The following RARA variants were observed in gnomAD, a reference collection of about 807,000 sequenced individuals.
RARA encodes PML-DDX5-RARA fusion.
Under a neutral mutation model 42.8 loss-of-function variants are expected in RARA, and 5 were observed. The ratio of observed to expected loss-of-function variants is 0.12; its 90% CI spans 0.06 to 0.25. The LOEUF is 0.25. Ranked by LOEUF, RARA falls within the 10% of genes least tolerant of loss-of-function variation. The pLI is 1.00. For synonymous variants in RARA, 256 were observed against 259.5 expected, an observed-to-expected ratio of 0.99 and a Z score of 0.13; for missense variants, 402 against 628.7, an observed-to-expected ratio of 0.64 and a Z score of 3.86.
Position 40,351,071 on chromosome 17 carries a change from C to T in RARA, c.470-839C>T, listed in dbSNP as rs1042503598. On this transcript the variant is annotated intron_variant, in intron 4 of 8. Transcript: ENST00000254066. The surrounding 1 kb of genome is among the most constrained non-coding windows in gnomAD (Gnocchi z 4.1). ...GCCATTTCAATAGAATTAAAGCTTC[C>T]GAATGATAAACGTCTTGTCACAGCT... 9.2e-5 allele frequency among the ~76,000 whole-genome samples: 14 copies of T among 152,146 alleles called. No individual in the cohort carries two copies. The highest frequency in any genetic ancestry group is 3.9e-4 in the Admixed American group (6 of 15,288).
chr17:40,317,097 A>T (rs1231277150), intron 1 of RARA, among the ~76,000 whole-genome samples: 1 of 152,066 alleles, frequency 6.6e-6, no homozygotes, highest in Non-Finnish European at 1.5e-5. Context: ...CTGCTCTTGG[A>T]CTCTCTTTCC....
chr17:40,355,948 T>A lies in RARA; in HGVS notation c.1172-61T>A. 1.4e-6 allele frequency: 2 copies of A among 1,452,570 alleles called. No individual in the cohort carries two copies. The highest frequency in any genetic ancestry group is 1.9e-6 in the Non-Finnish European group (2 of 1,072,670). 90.0% of individuals were successfully genotyped at this position (1,452,570 alleles called of 1,614,324 possible). On this transcript the variant is annotated intron_variant, in intron 8 of 8. Coordinates refer to ENST00000254066, the MANE Select transcript of RARA (RefSeq NM_000964.4). The surrounding 1 kb of genome is among the most constrained non-coding windows in gnomAD (Gnocchi z 4.1). ...TCTTCCCACCTCGAGCCAGGCTTGC[T>A]GGGGCTGGGGGTGGGAGGGCTGGCC...
chr17:40,318,024 T>G (rs544571581), intron 1 of RARA, among the ~76,000 whole-genome samples: 53 of 152,320 alleles, frequency 3.5e-4, no homozygotes, highest in African/African-American at 1.0e-3. Flanking sequence ...AATCTTCGGT[T>G]CTGGGTCTGA....
In RARA at chr17:40,354,746, C is replaced by T. The variant is rs1384316203; in HGVS notation, c.1012+240C>T. Reference sequence around the variant, plus strand: ...AGGGTCGGACCAACCAGGGTCACCTCCTGGCCGATGCATGACCCTGAGCAG... The same window carrying T: ...AGGGTCGGACCAACCAGGGTCACCTTCTGGCCGATGCATGACCCTGAGCAG... On this transcript the variant is annotated intron_variant, in intron 7 of 8. Transcript: ENST00000254066. The surrounding 1 kb of genome is among the most constrained non-coding windows in gnomAD (Gnocchi z 4.5). Among the ~76,000 whole-genome samples, 4 of 152,166 alleles carry T rather than the reference C, an allele frequency of 2.6e-5. No individual in the cohort carries two copies. Among genetic ancestry groups the T allele is most frequent in the East Asian group, 1.9e-4 (1 of 5,194 alleles).
At chr17:40,350,980 C>T (rs1260946287) in intron 4 of RARA, among the ~76,000 whole-genome samples, 1 of 151,532 alleles carries the variant, frequency 6.6e-6, no homozygotes, top group East Asian at 1.9e-4. Flanking sequence ...ACCGCCAACT[C>T]CCCTTCTCCC....
intron 2 of RARA, among the ~76,000 whole-genome samples, chr17:40,344,362 T>C (rs1054121709): frequency 3.9e-5 from 6 of 152,056 alleles, no homozygotes; most frequent in African/African-American, 1.2e-4. Flanking sequence ...TCTAGGACCC[T>C]TTTTCTCATT....
At position 40,354,639 on chromosome 17, in the gene RARA, C is replaced by A; in HGVS notation, c.1012+133C>A. The A allele has an allele frequency of 9.0e-7, 1 of 1,113,736 alleles. No homozygotes were observed. The highest frequency in any genetic ancestry group is 1.3e-6 in the Non-Finnish European group (1 of 796,602). 69.0% of individuals were successfully genotyped at this position (1,113,736 alleles called of 1,614,324 possible). ...CAGGGTCTGGTCTGCAACTACACAG[C>A]AAGGGGGCCATGTGGGGCCTGGACT... On this transcript the variant is annotated intron_variant, in intron 7 of 8. Coordinates refer to ENST00000254066, the MANE Select transcript of RARA (RefSeq NM_000964.4). This position sits in a 1 kb window ranked among gnomAD's most constrained non-coding sequence, Gnocchi z 4.5.
intron 2 of RARA, chr17:40,342,112 G>A: frequency 8.6e-6 from 9 of 1,051,078 alleles, no homozygotes; most frequent in Non-Finnish European, 1.0e-5. Flanking sequence ...GGTGGAAAGG[G>A]GGTGGTGCCC....
intron 2 of RARA, among the ~76,000 whole-genome samples, chr17:40,346,648 C>T (rs568211216): frequency 6.6e-6 from 1 of 152,154 alleles, no homozygotes; most frequent in Non-Finnish European, 1.5e-5. Context: ...CCCCGCCCCC[C>T]CAGCAGCTGT....
At chr17:40,350,343 T>C (rs997945200) in intron 4 of RARA, 1 of 177,404 alleles carries the variant, frequency 5.6e-6, no homozygotes, top group Non-Finnish European at 1.2e-5. Context: ...GCTGGACTTA[T>C]GTGTGTATGG....
chr17:40,336,613 C>A (rs1005436788), intron 2 of RARA, among the ~76,000 whole-genome samples: 1 of 152,076 alleles, frequency 6.6e-6, no homozygotes, highest in Non-Finnish European at 1.5e-5. Flanking sequence ...TGGTCTCGAT[C>A]TCCTGACCTC....
rs2143534616 is a variant in RARA at position 40,354,990 on chromosome 17, C to T, written c.1013-273C>T. 1.3e-5 allele frequency among the ~76,000 whole-genome samples: 2 copies of T among 152,336 alleles called. No individual in the cohort carries two copies. The highest frequency in any genetic ancestry group is 4.8e-5 in the African/African-American group (2 of 41,570). ...GAGTGGGAGCCTGCCTGGGAACCCT[C>T]TCCCTGCTTGAGGATGGCACTGCCC... On this transcript the variant is annotated intron_variant, in intron 7 of 8. Transcript: ENST00000254066. The surrounding 1 kb of genome is among the most constrained non-coding windows in gnomAD (Gnocchi z 4.5).
intron 1 of RARA, among the ~76,000 whole-genome samples, chr17:40,327,370 C>T (rs2143246988): frequency 6.6e-6 from 1 of 152,302 alleles, no homozygotes; most frequent in African/African-American, 2.4e-5. Flanking sequence ...CCTTGGGCCT[C>T]ACCTTGAGAG....
intron 1 of RARA, among the ~76,000 whole-genome samples, chr17:40,310,958 G>A (rs2033083499): frequency 6.6e-6 from 1 of 152,158 alleles, no homozygotes; most frequent in Non-Finnish European, 1.5e-5. Flanking sequence ...TATTGCCCCG[G>A]TTACTGCAGA....
At chr17:40,335,560 C>T (rs754094118) in intron 2 of RARA, among the ~76,000 whole-genome samples, 10 of 151,978 alleles carry the variant, frequency 6.6e-5, no homozygotes, top group Non-Finnish European at 1.2e-4. Context: ...CGAGGTGGCA[C>T]GTGTCTGTAA....
intron 2 of RARA, among the ~76,000 whole-genome samples, chr17:40,333,842 G>T (rs368489856): frequency 3.9e-5 from 6 of 152,088 alleles, no homozygotes; most frequent in East Asian, 3.9e-4. Context: ...TCACCATGTT[G>T]CCCAGGCTGG....
Position 40,351,415 on chromosome 17 carries a change from T to C in RARA, c.470-495T>C, listed in dbSNP as rs770226619. On this transcript the variant is annotated intron_variant, in intron 4 of 8. Coordinates refer to ENST00000254066, the MANE Select transcript of RARA (RefSeq NM_000964.4). The surrounding 1 kb of genome is among the most constrained non-coding windows in gnomAD (Gnocchi z 4.1). ...GCTCCCCAGCTAATGGGCCAAGAGA[T>C]TCTCCCCGCCAGGTCCCCCACTCTC... 4.4e-6 allele frequency: 2 copies of C among 456,042 alleles called. No individual in the cohort carries two copies. Among genetic ancestry groups the C allele is most frequent in the South Asian group, 3.2e-5 (2 of 63,248 alleles). The allele number at this position is 456,042 out of a possible 1,614,324, so 28.2% of individuals were successfully genotyped here.
rs113387911 is a variant in RARA at position 40,345,868 on chromosome 17, C to T, written c.179-2448C>T. On this transcript the variant is annotated intron_variant, in intron 2 of 8. Transcript: ENST00000254066. This position sits in a 1 kb window ranked among gnomAD's most constrained non-coding sequence, Gnocchi z 4.8. ...AGTTCCCCACACCTCCGGCCTTGGTCCTTGTACCTCACCTCCTTGGACTGC... is the reference window on the plus strand; with the variant it reads ...AGTTCCCCACACCTCCGGCCTTGGTTCTTGTACCTCACCTCCTTGGACTGC... Among the ~76,000 whole-genome samples the T allele has an allele frequency of 5.3e-5, 8 of 152,176 alleles. No homozygotes were observed. The highest frequency in any genetic ancestry group is 1.9e-4 in the African/African-American group (8 of 41,432).
In RARA at chr17:40,352,468, C is replaced by T. The variant is rs751059985; in HGVS notation, c.768C>T (p.Asp256=). 2.1e-5 allele frequency: 34 copies of T among 1,613,246 alleles called. No individual in the cohort carries two copies. The highest frequency in any genetic ancestry group is 1.3e-4 in the Admixed American group (8 of 59,952). The change falls in exon 6 of 9, where the codon GAC becomes GAT. Residue 256 remains aspartate, a synonymous_variant. Transcript: ENST00000254066. This position sits in a 1 kb window ranked among gnomAD's most constrained non-coding sequence, Gnocchi z 4.9. ...GCTTCACCACCCTCACCATCGCCGA[C>T]CAGATCACCCTCCTCAAGGCTGCCT... ...LPGFTTLTIA[D]QITLLKAACL...
Sources: allele counts gnomAD v4.1 joint callset (sites outside exome capture counted in the v4.1 genomes callset), GRCh38; gene constraint gnomAD v4.1.1; non-coding constraint Gnocchi (gnomAD v3.1); transcripts MANE v1.5; gene names NCBI Gene and HGNC (gene_info 2026-07-23, HGNC 2026-07-21).